Variants in DYSF observed in about 807,000 individuals in gnomAD.
The protein encoded by DYSF is dystrophy-associated fer-1-like 1.
In DYSF, 212 loss-of-function variants were observed where a neutral mutation model predicts 274.9. The observed-to-expected ratio is 0.77, with a 90% CI of 0.69 to 0.86. DYSF has a LOEUF of 0.86. Among genes scored for constraint, DYSF ranks in the 40% least tolerant of loss-of-function variants. The pLI is 0.00. For missense variants in DYSF, 2,666 were observed against 2,783.2 expected, an observed-to-expected ratio of 0.96 and a Z score of 0.95; for synonymous variants, 1,091 against 1,078.7, an observed-to-expected ratio of 1.01 and a Z score of -0.22.
intron 32 of DYSF, among the ~76,000 whole-genome samples, chr2:71,590,751 C>A (rs187958584): frequency 3.3e-5 from 5 of 152,336 alleles, no homozygotes; most frequent in Admixed American, 6.5e-5. Context: ...CAGATCCAGG[C>A]TGCCTCTGCA....
At chr2:71,519,291 C>G (rs2086982760) in intron 10 of DYSF, among the ~76,000 whole-genome samples, 1 of 151,962 alleles carries the variant, frequency 6.6e-6, no homozygotes, top group Non-Finnish European at 1.5e-5. Context: ...CATTCTGTAA[C>G]AAATTAAATC....
chr2:71,480,554 TA>T (rs1008153140), intron 1 of DYSF, among the ~76,000 whole-genome samples: 2 of 151,726 alleles, frequency 1.3e-5, no homozygotes, highest in African/African-American at 4.8e-5. Flanking sequence ...ATGCTGTCTC[TA>T]AAAAAAATAA....
chr2:71,466,325 C>G (rs1573276649), upstream of DYSF, among the ~76,000 whole-genome samples: 1 of 152,354 alleles, frequency 6.6e-6, no homozygotes, highest in South Asian at 2.1e-4. Flanking sequence ...CCACTCCTTC[C>G]GCCTGCACTC....
chr2:71,570,109 G>A, intron 27 of DYSF, 120 bp from the exon 28 acceptor site: 9 of 1,105,076 alleles, frequency 8.1e-6, no homozygotes, highest in Non-Finnish European at 1.2e-5. Context: ...ACTGACTCTG[G>A]GGCTCTGCCC....
At chr2:71,516,363 CGT>C in intron 9 of DYSF, 121 bp downstream of exon 9, 1 of 956,882 alleles carries the variant, frequency 1.0e-6, no homozygotes. Context: ...TGCGTGAATG[CGT>C]GTGTGTGCCT....
At chr2:71,613,297 A>G (rs1443734168) in intron 39 of DYSF, 37 bp from the exon 40 acceptor site, 2 of 1,584,456 alleles carry the variant, frequency 1.3e-6, no homozygotes, top group Admixed American at 1.8e-5. Context: ...CTTTTGAGAG[A>G]GCCCCTCTCA....
chr2:71,618,846 C>T (rs117365216), intron 40 of DYSF, among the ~76,000 whole-genome samples: 1 of 151,862 alleles, frequency 6.6e-6, no homozygotes, highest in East Asian at 1.9e-4. Context: ...CAGGAGGCCT[C>T]GGGAGACTGT....
intron 2 of DYSF, among the ~76,000 whole-genome samples, chr2:71,481,630 TC>T (rs1263610888): frequency 1.3e-5 from 2 of 152,154 alleles, no homozygotes; most frequent in Admixed American, 1.3e-4. Flanking sequence ...AAGACCTCTC[TC>T]CTCTCTTCTG....
intron 32 of DYSF, among the ~76,000 whole-genome samples, chr2:71,591,950 C>A (rs1427938757): frequency 6.6e-6 from 1 of 152,248 alleles, no homozygotes; most frequent in East Asian, 1.9e-4. Context: ...CAGCAACCCG[C>A]CAGAATTTAC....
At chr2:71,619,204 A>T (rs115553794) in intron 40 of DYSF, among the ~76,000 whole-genome samples, 2,377 of 152,206 alleles carry the variant, frequency 0.016, 33 homozygotes, top group Middle Eastern at 0.058. Flanking sequence ...TGGGAGGGGC[A>T]GAGCTGCTGC....
At chr2:71,481,854 G>T in intron 2 of DYSF, 25 bp from the exon 3 acceptor site, 1 of 1,602,394 alleles carries the variant, frequency 6.2e-7, no homozygotes, top group Non-Finnish European at 8.5e-7. Flanking sequence ...CATAGGTTAA[G>T]ATGCCTTTTC....
chr2:71,577,542 A>C (rs2092749537), intron 30 of DYSF, among the ~76,000 whole-genome samples: 2 of 148,224 alleles, frequency 1.3e-5, no homozygotes, highest in South Asian at 4.3e-4. Flanking sequence ...TCTCACACTA[A>C]CACGTACACA....
At chr2:71,539,058 C>G (rs1573839211) in intron 16 of DYSF, 99 bp from the exon 17 acceptor site, 1 of 1,035,462 alleles carries the variant, frequency 9.7e-7, no homozygotes. Context: ...CTGCCCCCCG[C>G]CCCCCTGTGA....
intron 17 of DYSF, among the ~76,000 whole-genome samples, chr2:71,544,681 G>A (rs1037038154): frequency 2.6e-5 from 4 of 151,996 alleles, no homozygotes; most frequent in East Asian, 1.9e-4. Context: ...GGCTGGTCTC[G>A]AACTCCTGAC....
At chr2:71,547,770 G>A (rs957023715) in intron 17 of DYSF, among the ~76,000 whole-genome samples, 5 of 152,210 alleles carry the variant, frequency 3.3e-5, no homozygotes, top group African/African-American at 9.6e-5. Flanking sequence ...TCAGATGGCC[G>A]ATGGGATTAG....
At chr2:71,613,874 A>C (rs1317351751) in intron 40 of DYSF, among the ~76,000 whole-genome samples, 2 of 152,068 alleles carry the variant, frequency 1.3e-5, no homozygotes, top group African/African-American at 4.8e-5. Context: ...GCTTAGAAAG[A>C]AGAGGCTGTG....
chr2:71,461,294 G>A (rs2081277544), intron 1 of DYSF, among the ~76,000 whole-genome samples: 1 of 152,220 alleles, frequency 6.6e-6, no homozygotes, highest in Admixed American at 6.5e-5. Context: ...GACCCGTCTA[G>A]ACCCCAGGAT....
chr2:71,482,718 CAT>C (rs1222380418), intron 3 of DYSF, among the ~76,000 whole-genome samples: 1 of 152,054 alleles, frequency 6.6e-6, no homozygotes, highest in African/African-American at 2.4e-5. Context: ...GACTGGGAGA[CAT>C]AGCACATGAA....
At chr2:71,641,951 A>AG (rs1219590804) in intron 41 of DYSF, among the ~76,000 whole-genome samples, 1 of 152,178 alleles carries the variant, frequency 6.6e-6, no homozygotes, top group Non-Finnish European at 1.5e-5. Context: ...CTGGAAAAGA[A>AG]GGTATATCTT....
Sources: gnomAD v4.1 joint callset for allele counts (sites outside exome capture counted in the v4.1 genomes callset) on GRCh38, gnomAD v4.1.1 for gene constraint, MANE v1.5 for transcripts, NCBI Gene and HGNC (gene_info 2026-07-23, HGNC 2026-07-21) for gene names.